The following EFCAB5 variants were observed in gnomAD, a reference collection of about 807,000 sequenced individuals.
EFCAB5 encodes the protein EF-hand calcium-binding domain-containing protein 5.
EFCAB5 carries 131 observed loss-of-function variants against 167.9 expected under a neutral mutation model. That is an observed-to-expected ratio of 0.78 (90% CI 0.68 to 0.90). The LOEUF is 0.90. Among genes scored for constraint, EFCAB5 ranks in the 40% least tolerant of loss-of-function variants. The pLI is 0.00. For synonymous variants in EFCAB5, 574 were observed against 602.8 expected (o/e 0.95, Z 0.70); for missense variants, 1,663 against 1,745.2 (o/e 0.95, Z 0.84).
chr17:30,022,705 A>G (rs1011783524), intron 7 of EFCAB5, among the ~76,000 whole-genome samples: 10 of 152,224 alleles, frequency 6.6e-5, no homozygotes, highest in Non-Finnish European at 1.3e-4. Flanking sequence ...GGTAGAATAT[A>G]CTGGTTTATT....
At chr17:30,075,341 C>T (rs1393087705) in intron 14 of EFCAB5, among the ~76,000 whole-genome samples, 1 of 152,156 alleles carries the variant, frequency 6.6e-6, no homozygotes, top group African/African-American at 2.4e-5. Flanking sequence ...AGATCACCCC[C>T]TCCAAGTGGA....
At chr17:30,076,628 G>A (rs1028192517) in intron 14 of EFCAB5, among the ~76,000 whole-genome samples, 2 of 152,196 alleles carry the variant, frequency 1.3e-5, no homozygotes, top group Non-Finnish European at 2.9e-5. Context: ...AAATCACAAC[G>A]GAAGTCTTCT....
chr17:30,041,877 A>G (rs2069783331), intron 8 of EFCAB5, among the ~76,000 whole-genome samples: 2 of 152,226 alleles, frequency 1.3e-5, no homozygotes, highest in African/African-American at 4.8e-5. Context: ...ACAGATGATC[A>G]TTAGCATTTT....
chr17:30,068,173 A>G (rs1372261240), intron 14 of EFCAB5, among the ~76,000 whole-genome samples: 4 of 152,050 alleles, frequency 2.6e-5, no homozygotes, highest in Non-Finnish European at 5.9e-5. Flanking sequence ...GCGTGGTGGC[A>G]CGCTTGTAGC....
intron 5 of EFCAB5, among the ~76,000 whole-genome samples, chr17:29,995,296 C>G (rs2068520838): frequency 6.6e-6 from 1 of 152,188 alleles, no homozygotes; most frequent in South Asian, 2.1e-4. Context: ...TCAGAACACT[C>G]TTATAGTAAA....
chr17:30,065,097 TA>T (rs773371742), intron 14 of EFCAB5, among the ~76,000 whole-genome samples: 11 of 152,126 alleles, frequency 7.2e-5, no homozygotes, highest in Non-Finnish European at 1.6e-4. Flanking sequence ...GAAAATATGA[TA>T]ATCCCTATCA....
intron 7 of EFCAB5, among the ~76,000 whole-genome samples, chr17:30,033,154 C>A (rs2069523519): frequency 6.6e-6 from 1 of 152,014 alleles, no homozygotes; most frequent in Admixed American, 6.5e-5. Context: ...TCTCGGCTCA[C>A]TGCAAGCTCC....
chr17:30,065,791 T>C (rs80095561), intron 14 of EFCAB5: 1 of 152,078 alleles, frequency 6.6e-6, no homozygotes, highest in Admixed American at 6.5e-5. Flanking sequence ...TGAATGGAAA[T>C]TGAAAGCAAG....
chr17:30,053,302 G>T lies in EFCAB5; in HGVS notation c.1348G>T (p.Asp450Tyr). ...GATAAACTTGACTGAGTTGTGGGGA[G>T]ACATGGATAATCAGAAACACATTTA... is the stretch of plus-strand genomic sequence containing the variant. Reference protein sequence around the residue: ...EEINLTELWGDMDNQKHIYEG... With the variant: ...EEINLTELWGYMDNQKHIYEG... Residue 450 changes from aspartate (D) to tyrosine (Y), a missense_variant, in exon 10 of 23, where the codon GAC becomes TAC. Coordinates refer to ENST00000394835, the MANE Select transcript of EFCAB5 (RefSeq NM_198529.4). The T allele has an allele frequency of 6.2e-7, 1 of 1,613,180 alleles. No individual in the cohort carries two copies. The highest frequency in any genetic ancestry group is 8.5e-7 in the Non-Finnish European group (1 of 1,179,356).
Position 29,974,138 on chromosome 17 carries a change from A to G in EFCAB5, c.767+4771A>G, listed in dbSNP as rs577655624. Among the ~76,000 whole-genome samples, 92 of 150,716 alleles carry G rather than the reference A, an allele frequency of 6.1e-4. 1 individual carries two copies. Among genetic ancestry groups the G allele is most frequent in the Admixed American group, 4.5e-3 (68 of 15,158 alleles). Reference sequence around the variant, plus strand: ...TGCCACCTGCACTCCAGCCTGTGTGACAGAGTGAAACTCTATCTAAAAAAA... The same window carrying G: ...TGCCACCTGCACTCCAGCCTGTGTGGCAGAGTGAAACTCTATCTAAAAAAA... On this transcript the variant is annotated intron_variant, in intron 4 of 22. Coordinates refer to ENST00000394835, the MANE Select transcript of EFCAB5 (RefSeq NM_198529.4).
chr17:29,989,791 C>T (rs918125697), intron 4 of EFCAB5, among the ~76,000 whole-genome samples: 2 of 152,178 alleles, frequency 1.3e-5, no homozygotes, highest in Non-Finnish European at 2.9e-5. Flanking sequence ...TACTTAGTGG[C>T]CATTGTTCTA....
intron 22 of EFCAB5, among the ~76,000 whole-genome samples, chr17:30,094,368 A>G (rs1308555646): frequency 6.6e-6 from 1 of 151,962 alleles, no homozygotes; most frequent in African/African-American, 2.4e-5. Flanking sequence ...TTTTTTTAAA[A>G]AGAAAGAAAA....
Position 29,943,662 on chromosome 17 carries a change from C to T in EFCAB5, c.190+13C>T. On this transcript the variant is annotated intron_variant, in intron 3 of 22. Transcript: ENST00000394835. ...ATCAAATCCCAAGGTAGAGAACTAG[C>T]CTTTCTCTTATACAATAGAATCTAA... The T allele has an allele frequency of 6.4e-7, 1 of 1,558,132 alleles. No homozygotes were observed. The highest frequency in any genetic ancestry group is 8.7e-7 in the Non-Finnish European group (1 of 1,149,496).
chr17:30,058,239 C>A (rs2070330720), intron 13 of EFCAB5, among the ~76,000 whole-genome samples: 1 of 152,104 alleles, frequency 6.6e-6, no homozygotes, highest in African/African-American at 2.4e-5. Flanking sequence ...GTACACACAC[C>A]TGGGGTATGA....
Position 30,026,041 on chromosome 17 carries a change from G to C in EFCAB5, c.1045-8189G>C, listed in dbSNP as rs2069312819. ...TTGTGGGGTGGGCGGAGGGGGGAGG[G>C]ATAGCATTAGGAGATATACCTAATG... On this transcript the variant is annotated intron_variant, in intron 7 of 22. Coordinates refer to ENST00000394835, the MANE Select transcript of EFCAB5 (RefSeq NM_198529.4). Among the ~76,000 whole-genome samples the C allele has an allele frequency of 2.0e-5, 3 of 151,618 alleles. No individual in the cohort carries two copies. The South Asian group carries it at 6.3e-4, about 32-fold the overall frequency.
chr17:30,082,563 G>C (rs562226019), intron 17 of EFCAB5, among the ~76,000 whole-genome samples: 1 of 151,948 alleles, frequency 6.6e-6, no homozygotes, highest in South Asian at 2.1e-4. Context: ...GCTAATATTT[G>C]TATTTTTAGT....
chr17:29,995,697 C>A (rs1034894981), intron 5 of EFCAB5, among the ~76,000 whole-genome samples: 4 of 152,150 alleles, frequency 2.6e-5, no homozygotes, highest in African/African-American at 9.7e-5. Context: ...TATGTGTTGG[C>A]TATTGCTTCT....
chr17:30,069,066 T>C, intron 14 of EFCAB5: 1 of 1,421,082 alleles, frequency 7.0e-7, no homozygotes, highest in South Asian at 1.1e-5. Flanking sequence ...AAAAAGTGTG[T>C]AAACTTTACT....
At chr17:30,013,499 A>G (rs1200793729) in intron 7 of EFCAB5, among the ~76,000 whole-genome samples, 11 of 152,184 alleles carry the variant, frequency 7.2e-5, no homozygotes, top group Non-Finnish European at 1.6e-4. Flanking sequence ...TGGTCTATTC[A>G]GAGATTCAAC....
Sources: gnomAD v4.1 joint callset for allele counts (sites outside exome capture counted in the v4.1 genomes callset) on GRCh38, gnomAD v4.1.1 for gene constraint, MANE v1.5 for transcripts, NCBI Gene and HGNC (gene_info 2026-07-23, HGNC 2026-07-21) for gene names.